SMYD1: variants seen among roughly 807,000 people sequenced by gnomAD.
The protein encoded by SMYD1 is histone-lysine N-methyltransferase SMYD1.
In SMYD1, 49 loss-of-function variants were observed where a neutral mutation model predicts 54.0. The observed-to-expected ratio is 0.91, with a 90% confidence interval of 0.72 to 1.15. The LOEUF is 1.15. SMYD1 is among the 50% of genes most tolerant of loss of function. The probability of loss-of-function intolerance (pLI) is 0.00; values close to 1 mark genes in which losing one functional copy is unlikely to be tolerated. For synonymous variants in SMYD1, 269 were observed against 234.2 expected (o/e 1.15, Z -1.36); for missense variants, 653 against 639.6 (o/e 1.02, Z -0.23).
At chr2:88,088,660 AT>A (rs973117293) in intron 3 of SMYD1, among the ~76,000 whole-genome samples, 32 of 151,832 alleles carry the variant, frequency 2.1e-4, no homozygotes, top group African/African-American at 6.1e-4. Flanking sequence ...CACTTTTTAC[AT>A]TTTTTTCCTC....
In SMYD1 at chr2:88,091,100, A is replaced by G; in HGVS notation, c.617A>G (p.His206Arg). The change falls in exon 4 of 10, where the codon CAT becomes CGT. Residue 206 changes from histidine to arginine, a missense_variant. Transcript: ENST00000419482. ...TTCCCCAACCTGGGCCTGGTGAACC[A>G]TGACTGTTGGCCCAACTGTACTGTC... ...GIFPNLGLVN[H>R]DCWPNCTVIF... 6.2e-7 allele frequency: 1 copy of G among 1,614,190 alleles called. No individual in the cohort carries two copies. The highest frequency in any genetic ancestry group is 8.5e-7 in the Non-Finnish European group (1 of 1,180,020).
Position 88,088,850 on chromosome 2 carries a change from TAA to T in SMYD1, c.528+776_528+777del, listed in dbSNP as rs1343844909. ...GGAGCAACCAAGCCAGACGAGGCCA[TAA>T]GAGTCCGGGAAGTGGGGGCGAGAAC... is the stretch of plus-strand genomic sequence containing the variant. On this transcript the variant is annotated intron_variant, in intron 3 of 9. Coordinates refer to ENST00000419482, the MANE Select transcript of SMYD1 (RefSeq NM_198274.4). 3.3e-5 allele frequency among the ~76,000 whole-genome samples: 5 copies of T among 151,884 alleles called. No individual in the cohort carries two copies. In the East Asian group the frequency reaches 9.7e-4, roughly 29 times the overall value.
At chr2:88,103,226 C>T (rs752175020) in intron 7 of SMYD1, 76 bp downstream of exon 7, 43 of 1,033,878 alleles carry the variant, frequency 4.2e-5, no homozygotes, top group Middle Eastern at 2.2e-4. Flanking sequence ...AGGGAAGTGG[C>T]GTGAGAACGG....
chr2:88,104,961 T>C (rs1465843525), intron 7 of SMYD1, among the ~76,000 whole-genome samples: 1 of 152,190 alleles, frequency 6.6e-6, no homozygotes, highest in East Asian at 1.9e-4. Flanking sequence ...CCTGGGAGCC[T>C]CCTTCTCTGC....
chr2:88,072,665 A>G (rs1383744147), intron 1 of SMYD1, among the ~76,000 whole-genome samples: 1 of 151,976 alleles, frequency 6.6e-6, no homozygotes, highest in Non-Finnish European at 1.5e-5. Flanking sequence ...TAATTGGCAG[A>G]TTTTTTTTGA....
chr2:88,111,172 G>C lies in SMYD1; in HGVS notation c.*660G>C, dbSNP rs1387564970. ...AATGGTGCATATGTCGAAAGAGCTGGCTGGGGGCCTTGCCCAAACCAACTG... is the reference window on the plus strand; with the variant it reads ...AATGGTGCATATGTCGAAAGAGCTGCCTGGGGGCCTTGCCCAAACCAACTG... On this transcript the variant is annotated 3_prime_UTR_variant, in exon 10 of 10. Coordinates refer to ENST00000419482, the MANE Select transcript of SMYD1 (RefSeq NM_198274.4). The C allele has an allele frequency of 6.6e-6, 1 of 152,234 alleles. No individual in the cohort carries two copies. The highest frequency in any genetic ancestry group is 2.4e-5 in the African/African-American group (1 of 41,460). The allele number at this position is 152,234 out of a possible 1,614,324, so 9.4% of individuals were successfully genotyped here. A position where few individuals can be genotyped will look rare whatever the true frequency, so the allele number is the denominator to read the frequency against.
intron 7 of SMYD1, among the ~76,000 whole-genome samples, chr2:88,103,581 A>T (rs1183581215): frequency 2.0e-5 from 3 of 152,070 alleles, no homozygotes; most frequent in Admixed American, 6.6e-5. Context: ...AGCACCAGGG[A>T]TTCTCAGCTG....
chr2:88,104,129 G>A (rs774662725), intron 7 of SMYD1, among the ~76,000 whole-genome samples: 10 of 152,146 alleles, frequency 6.6e-5, no homozygotes, highest in Middle Eastern at 3.4e-3. Flanking sequence ...ACCACGCCTG[G>A]CTAATTTTTT....
In SMYD1 at chr2:88,093,514, C is replaced by T. The variant is rs371202537; in HGVS notation, c.660-3C>T. 6 of 1,614,126 alleles carry T rather than the reference C, an allele frequency of 3.7e-6. No homozygotes were observed. The highest frequency in any genetic ancestry group is 1.3e-5 in the African/African-American group (1 of 75,028). The stretch of plus-strand genomic sequence containing the variant: ...CCATATGGGTGTCTGTTTTGTCTTT[C>T]AGTCATGAGGCAGTGAAATCCATGT... On this transcript the variant is annotated splice_polypyrimidine_tract_variant and splice_region_variant and intron_variant, in intron 4 of 9. Transcript: ENST00000419482.
chr2:88,091,770 A>T (rs953823337), intron 4 of SMYD1, among the ~76,000 whole-genome samples: 1 of 152,206 alleles, frequency 6.6e-6, no homozygotes, highest in African/African-American at 2.4e-5. Context: ...AGGATGAGGC[A>T]GGAGGATCAC....
intron 1 of SMYD1, among the ~76,000 whole-genome samples, chr2:88,070,870 G>A (rs1261502962): frequency 1.4e-5 from 2 of 148,124 alleles, no homozygotes; most frequent in African/African-American, 5.0e-5. Context: ...TTAAACCCGG[G>A]AGGCAGAGGT....
chr2:88,085,378 G>A lies in SMYD1; in HGVS notation c.314+886G>A, dbSNP rs140421073. Among the ~76,000 whole-genome samples, 12 of 152,264 alleles carry A rather than the reference G, an allele frequency of 7.9e-5. No homozygotes were observed. In the East Asian group the frequency reaches 1.5e-3, roughly 20 times the overall value. ...AGAGATTCCCAATCCTGGAGGTTCC[G>A]CTGGGGTGGGGCTCAGTGCTGGGCT... On this transcript the variant is annotated intron_variant, in intron 2 of 9. Transcript: ENST00000419482.
Position 88,084,812 on chromosome 2 carries a change from C to G in SMYD1, c.314+320C>G, listed in dbSNP as rs569950202. Among the ~76,000 whole-genome samples, 392 of 152,180 alleles carry G rather than the reference C, an allele frequency of 2.6e-3. 1 individual carries two copies. Among genetic ancestry groups the G allele is most frequent in the African/African-American group, 9.0e-3 (372 of 41,528 alleles). ...TTGCCCAGGTTGGAGTGGAGGGGCC[C>G]TGATCACAGCTCACTGCAGCCTTGA... On this transcript the variant is annotated intron_variant, in intron 2 of 9. Transcript: ENST00000419482.
chr2:88,094,060 T>C (rs190054971), intron 5 of SMYD1, among the ~76,000 whole-genome samples: 1 of 151,870 alleles, frequency 6.6e-6, no homozygotes, highest in Admixed American at 6.6e-5. Flanking sequence ...TAGGTTAAAT[T>C]TTACTTTTCT....
At chr2:88,100,310 A>G (rs1674694196) in intron 6 of SMYD1, among the ~76,000 whole-genome samples, 2 of 151,922 alleles carry the variant, frequency 1.3e-5, no homozygotes, top group African/African-American at 4.8e-5. Flanking sequence ...AAAAAAATTG[A>G]CTCACTTCCA....
intron 1 of SMYD1, among the ~76,000 whole-genome samples, chr2:88,078,516 C>A (rs1674119339): frequency 1.3e-5 from 2 of 152,090 alleles, no homozygotes; most frequent in African/African-American, 4.8e-5. Context: ...CCAGCTCTGA[C>A]CAACTCTAGG....
rs931720470 is a variant in SMYD1, at chr2:88,110,631, G to T, written c.*119G>T. ...TGAGGTAATGCTTAACATTGTTGCT[G>T]TGAGAATTTACTGCCCTATGTTTCC... On this transcript the variant is annotated 3_prime_UTR_variant, in exon 10 of 10. Coordinates refer to ENST00000419482, the MANE Select transcript of SMYD1 (RefSeq NM_198274.4). 7 of 1,300,476 alleles carry T rather than the reference G, an allele frequency of 5.4e-6. No homozygotes were observed. In the African/African-American group the frequency reaches 6.0e-5, roughly 11 times the overall value. 80.6% of individuals were successfully genotyped at this position (1,300,476 alleles called of 1,614,324 possible). A position where few individuals can be genotyped will look rare whatever the true frequency, so the allele number is the denominator to read the frequency against.
intron 1 of SMYD1, among the ~76,000 whole-genome samples, chr2:88,074,451 G>T (rs1016567429): frequency 6.6e-6 from 1 of 152,142 alleles, no homozygotes; most frequent in African/African-American, 2.4e-5. Context: ...TTGGGATACT[G>T]TCCTTGTCTC....
At chr2:88,107,184 G>A (rs1674897276) in intron 8 of SMYD1, among the ~76,000 whole-genome samples, 1 of 151,714 alleles carries the variant, frequency 6.6e-6, no homozygotes, top group African/African-American at 2.4e-5. Context: ...CTGGGCGACA[G>A]AGCAAGACTG....
Sources: gnomAD v4.1 joint callset for allele counts (sites outside exome capture counted in the v4.1 genomes callset) on GRCh38, gnomAD v4.1.1 for gene constraint, MANE v1.5 for transcripts, NCBI Gene and HGNC (gene_info 2026-07-23, HGNC 2026-07-21) for gene names.